Variants in PHC2 observed in about 807,000 individuals in gnomAD.
The protein encoded by PHC2 is polyhomeotic homolog 2, also known as polyhomeotic-like protein 2.
A neutral mutation model predicts 87.4 loss-of-function variants in PHC2; 29 were observed. The ratio of observed to expected loss-of-function variants is 0.33; its 90% CI spans 0.25 to 0.45. PHC2 has a LOEUF of 0.45. Ranked by LOEUF, PHC2 falls within the 20% of genes least tolerant of loss-of-function variation. PHC2 has a pLI of 1.00. For synonymous variants in PHC2, 438 were observed against 461.7 expected, an observed-to-expected ratio of 0.95 and a Z score of 0.66; for missense variants, 857 against 1,136.7, an observed-to-expected ratio of 0.75 and a Z score of 3.54.
At chr1:33,343,337 G>A (rs4233198) in intron 9 of PHC2, among the ~76,000 whole-genome samples, 67,431 of 151,376 alleles carry the variant, frequency 0.45, 18,433 homozygotes, top group African/African-American at 0.79. Context: ...GGGTGTGGTG[G>A]CGAGCGCCTG....
At chr1:33,414,366 T>A (rs374721922) in intron 1 of PHC2, among the ~76,000 whole-genome samples, 1 of 152,310 alleles carries the variant, frequency 6.6e-6, no homozygotes, top group East Asian at 1.9e-4. Flanking sequence ...CTGTAGTTAG[T>A]GGAGGCTTCT....
intron 2 of PHC2, among the ~76,000 whole-genome samples, chr1:33,374,117 G>T (rs1171803955): frequency 6.6e-6 from 1 of 151,952 alleles, no homozygotes; most frequent in Non-Finnish European, 1.5e-5. Context: ...TATTCCCTTT[G>T]CCTAGGCCTT....
chr1:33,363,613 G>T, intron 7 of PHC2: 1 of 248,270 alleles, frequency 4.0e-6, no homozygotes, highest in Non-Finnish European at 6.4e-6. Flanking sequence ...GCGGGCTGAG[G>T]ATGCAGAACA....
At chr1:33,344,238 A>C (rs550617033) in intron 9 of PHC2, among the ~76,000 whole-genome samples, 1 of 152,366 alleles carries the variant, frequency 6.6e-6, no homozygotes, top group East Asian at 1.9e-4. Flanking sequence ...AAAGAAATCT[A>C]GAAATGTTTA....
intron 1 of PHC2, among the ~76,000 whole-genome samples, chr1:33,421,948 C>T (rs1475919798): frequency 1.3e-5 from 2 of 152,140 alleles, no homozygotes; most frequent in Non-Finnish European, 2.9e-5. Context: ...CTCCCTATGG[C>T]CTCCACCATA....
intron 9 of PHC2, chr1:33,345,702 T>G: frequency 2.0e-6 from 2 of 984,934 alleles, no homozygotes; most frequent in Non-Finnish European, 2.4e-6. Flanking sequence ...ATACTGGACT[T>G]TTGTTACTGA....
At chr1:33,347,537 T>C (rs1297048115) in intron 9 of PHC2, 6 of 985,224 alleles carry the variant, frequency 6.1e-6, no homozygotes, top group Admixed American at 1.2e-4. Context: ...TTAAGCACCT[T>C]TGTGCCACAT....
At chr1:33,333,597 G>A (rs1303792846) in intron 10 of PHC2, 1 of 167,146 alleles carries the variant, frequency 6.0e-6, no homozygotes, top group African/African-American at 2.4e-5. Context: ...TCAAGGCTCT[G>A]TCCCCAGAAA....
intron 1 of PHC2, among the ~76,000 whole-genome samples, chr1:33,376,097 C>T (rs756503687): frequency 1.3e-5 from 2 of 152,152 alleles, no homozygotes; most frequent in Non-Finnish European, 2.9e-5. Flanking sequence ...TGCAGTGGCA[C>T]AATCTCGGCT....
chr1:33,380,033 T>C (rs1648417740), intron 1 of PHC2, among the ~76,000 whole-genome samples: 1 of 152,222 alleles, frequency 6.6e-6, no homozygotes, highest in South Asian at 2.1e-4. Flanking sequence ...ACTTCTTGGA[T>C]AGTGCATGCT....
chr1:33,336,422 C>A (rs1384589262), intron 9 of PHC2: 1 of 150,286 alleles, frequency 6.7e-6, no homozygotes, highest in African/African-American at 2.5e-5. Flanking sequence ...AACTTCTGAG[C>A]TGAGCAGGGG....
chr1:33,331,900 G>A lies in PHC2; in HGVS notation c.1891+375C>T, dbSNP rs1290790043. Among the ~76,000 whole-genome samples, 1 of 152,264 alleles carries A rather than the reference G, an allele frequency of 6.6e-6. No individual in the cohort carries two copies. The highest frequency in any genetic ancestry group is 1.5e-5 in the Non-Finnish European group (1 of 68,044). The stretch of plus-strand genomic sequence containing the variant: ...CTGTGCAGCTCTGTCAGTGCTTCAT[G>A]TGGAAAGAGCAGCCTTGCCTGGTCT... On this transcript the variant is annotated intron_variant, in intron 11 of 14. Transcript: ENST00000683057. The surrounding 1 kb of genome is among the most constrained non-coding windows in gnomAD (Gnocchi z 5.2).
At chr1:33,341,822 G>A (rs1308162435) in intron 9 of PHC2, among the ~76,000 whole-genome samples, 1 of 152,222 alleles carries the variant, frequency 6.6e-6, no homozygotes, top group Non-Finnish European at 1.5e-5. Flanking sequence ...AACTCTTAGT[G>A]GTGGGAAAAT....
chr1:33,346,876 G>C, intron 9 of PHC2: 1 of 985,362 alleles, frequency 1.0e-6, no homozygotes, highest in Middle Eastern at 5.2e-4. Flanking sequence ...CACCAGTAGG[G>C]GTTCCTAATT....
chr1:33,360,522 G>A (rs1647177976), intron 7 of PHC2, among the ~76,000 whole-genome samples: 1 of 152,198 alleles, frequency 6.6e-6, no homozygotes, highest in Non-Finnish European at 1.5e-5. Flanking sequence ...TTGCTGTTCT[G>A]TAAATGGTGA....
intron 14 of PHC2, 59 bp from the exon 15 acceptor site, chr1:33,325,078 G>A: frequency 1.3e-6 from 2 of 1,485,408 alleles, no homozygotes; most frequent in East Asian, 2.3e-5. Flanking sequence ...ACCTCTGGCA[G>A]CCACTGCATC....
At chr1:33,393,328 C>A (rs1422456240) in intron 1 of PHC2, among the ~76,000 whole-genome samples, 1 of 152,130 alleles carries the variant, frequency 6.6e-6, no homozygotes, top group African/African-American at 2.4e-5. Context: ...GCACTTCTAC[C>A]CTGATTTAGA....
chr1:33,430,273 G>A (rs993780721), intron 1 of PHC2, among the ~76,000 whole-genome samples: 2 of 152,186 alleles, frequency 1.3e-5, no homozygotes, highest in Non-Finnish European at 2.9e-5. Flanking sequence ...ACTCAGCACA[G>A]AAAACAAGGG....
rs1182733273 is a variant in PHC2, at chr1:33,354,964, C to T, written c.1266G>A (p.Gln422=). The T allele has an allele frequency of 3.1e-6, 5 of 1,614,114 alleles. No individual in the cohort carries two copies. The highest frequency in any genetic ancestry group is 1.7e-5 in the Admixed American group (1 of 60,014). The part of the protein sequence containing the change: ...ANLHKPGGSQ[Q]CHPPTPDTGP... Reference sequence around the variant, plus strand: ...CAGTATCAGGTGTGGGAGGGTGACACTGCTGACTGCCGCCAGGCTTGTGCA... The same window carrying T: ...CAGTATCAGGTGTGGGAGGGTGACATTGCTGACTGCCGCCAGGCTTGTGCA... The change falls in exon 8 of 15, where the codon CAG becomes CAA. Residue 422 remains glutamine, a synonymous_variant. Coordinates refer to ENST00000683057, the MANE Select transcript of PHC2 (RefSeq NM_001385109.1).
Sources: gnomAD v4.1 joint callset for allele counts (sites outside exome capture counted in the v4.1 genomes callset) on GRCh38, gnomAD v4.1.1 for gene constraint, Gnocchi (gnomAD v3.1) non-coding constraint, MANE v1.5 for transcripts, NCBI Gene and HGNC (gene_info 2026-07-23, HGNC 2026-07-21) for gene names.